ASAP2: variants seen among roughly 807,000 people sequenced by gnomAD.
The protein encoded by ASAP2 is arf-GAP with SH3 domain, ANK repeat and PH domain-containing protein 2.
A neutral mutation model predicts 131.4 loss-of-function variants in ASAP2; 45 were observed. That is an observed-to-expected ratio of 0.34 (90% CI 0.27 to 0.44). The LOEUF (loss-of-function observed/expected upper bound fraction) is 0.44. Ranked by LOEUF, ASAP2 falls within the 20% of genes least tolerant of loss-of-function variation. The pLI, the probability that ASAP2 is intolerant of heterozygous loss-of-function variation, is 1.00. For synonymous variants in ASAP2, 510 were observed against 503.0 expected (o/e 1.01, Z -0.19); for missense variants, 1,011 against 1,297.0 (o/e 0.78, Z 3.39).
chr2:9,320,386 A>G lies in ASAP2; in HGVS notation c.470+49A>G, dbSNP rs749568960. Reference sequence around the variant, plus strand: ...TACGTATAGGTAATTTGGGATTTCAAATTTAAACCAACCTCGTATTGCTTA... The same window carrying G: ...TACGTATAGGTAATTTGGGATTTCAGATTTAAACCAACCTCGTATTGCTTA... On this transcript the variant is annotated intron_variant, in intron 5 of 27. Coordinates refer to ENST00000281419, the MANE Select transcript of ASAP2 (RefSeq NM_003887.3). 5 of 1,417,368 alleles carry G rather than the reference A, an allele frequency of 3.5e-6. No individual in the cohort carries two copies. The South Asian group carries it at 4.8e-5, about 13-fold the overall frequency. 87.8% of individuals were successfully genotyped at this position (1,417,368 alleles called of 1,614,324 possible).
At chr2:9,287,670 G>A (rs988123538) in intron 2 of ASAP2, among the ~76,000 whole-genome samples, 1 of 152,206 alleles carries the variant, frequency 6.6e-6, no homozygotes, top group Admixed American at 6.5e-5. Context: ...TTCCTGCAGC[G>A]GGTGGACGGC....
intron 1 of ASAP2, among the ~76,000 whole-genome samples, chr2:9,235,501 G>T (rs911938882): frequency 2.0e-5 from 3 of 151,936 alleles, no homozygotes; most frequent in Non-Finnish European, 4.4e-5. Flanking sequence ...TCCTGCAGCA[G>T]TTCTGTCTTG....
chr2:9,401,214 C>G (rs1242070319), intron 26 of ASAP2, 60 bp from the exon 27 acceptor site: 4 of 1,601,836 alleles, frequency 2.5e-6, no homozygotes, highest in Admixed American at 3.4e-5. Context: ...TGCTTGAGCT[C>G]TCTGCCCTGA....
intron 7 of ASAP2, among the ~76,000 whole-genome samples, chr2:9,334,346 G>T (rs1258526111): frequency 6.6e-6 from 1 of 151,846 alleles, no homozygotes. Context: ...ATGAGCCACA[G>T]CACCCGGCCT....
At position 9,314,132 on chromosome 2, in the gene ASAP2, C is replaced by T. The variant is rs944235784; in HGVS notation, c.346-4392C>T. ...CCGAGTAGCTAGGATTACAGGCGTG[C>T]GCCACCTCGCCTGGCTCATTTTTGT... On this transcript the variant is annotated intron_variant, in intron 3 of 27. Transcript: ENST00000281419. Among the ~76,000 whole-genome samples the T allele has an allele frequency of 3.3e-4, 50 of 152,122 alleles. 1 individual carries two copies. Among genetic ancestry groups the T allele is most frequent in the African/African-American group, 9.6e-4 (40 of 41,506 alleles).
chr2:9,376,786 A>G (rs1038850913), intron 17 of ASAP2, 122 bp from the exon 18 acceptor site: 11 of 856,704 alleles, frequency 1.3e-5, no homozygotes, highest in Non-Finnish European at 2.1e-5. Flanking sequence ...TATGTAAGAG[A>G]TAAGTTTCTC....
At position 9,207,345 on chromosome 2, in the gene ASAP2, C is replaced by G; in HGVS notation, c.126+115C>G. On this transcript the variant is annotated intron_variant, in intron 1 of 27. Coordinates refer to ENST00000281419, the MANE Select transcript of ASAP2 (RefSeq NM_003887.3). The surrounding 1 kb of genome is among the most constrained non-coding windows in gnomAD (Gnocchi z 4.1). The stretch of plus-strand genomic sequence containing the variant: ...TCTTTGCTCCGAAGCCGGACGCGGC[C>G]GGGCCAACCCTGCCCGAGACAGAAG... The G allele has an allele frequency of 1.5e-6, 2 of 1,351,684 alleles. No homozygotes were observed. Among genetic ancestry groups the G allele is most frequent in the Non-Finnish European group, 1.9e-6 (2 of 1,034,804 alleles). The allele number at this position is 1,351,684 out of a possible 1,614,324, so 83.7% of individuals were successfully genotyped here. A position where few individuals can be genotyped will look rare whatever the true frequency, so the allele number is the denominator to read the frequency against.
intron 1 of ASAP2, among the ~76,000 whole-genome samples, chr2:9,263,559 C>T (rs189389824): frequency 1.3e-5 from 2 of 152,332 alleles, no homozygotes; most frequent in African/African-American, 2.4e-5. Flanking sequence ...CATCTGTTTC[C>T]GTTTCTCTAA....
chr2:9,336,907 C>G (rs1377474095), intron 9 of ASAP2, among the ~76,000 whole-genome samples: 1 of 152,200 alleles, frequency 6.6e-6, no homozygotes, highest in African/African-American at 2.4e-5. Flanking sequence ...TGAAGCAAAG[C>G]TCAGGTTTAA....
intron 25 of ASAP2, 33 bp downstream of exon 25, chr2:9,400,105 T>C (rs1407184855): frequency 6.2e-7 from 1 of 1,602,726 alleles, no homozygotes; most frequent in East Asian, 2.2e-5. Context: ...AGTTTGTTTC[T>C]GCTTGGTCCA....
chr2:9,354,816 A>T (rs921249117), intron 12 of ASAP2, among the ~76,000 whole-genome samples: 1 of 152,172 alleles, frequency 6.6e-6, no homozygotes, highest in South Asian at 2.1e-4. Context: ...CTAAGAACCA[A>T]CGTGCTTTCA....
At chr2:9,301,653 G>C (rs183549418) in intron 3 of ASAP2, among the ~76,000 whole-genome samples, 13 of 152,090 alleles carry the variant, frequency 8.5e-5, no homozygotes. Flanking sequence ...TGCAGAACCC[G>C]CTCCACATGA....
chr2:9,255,901 T>C (rs1665122688), intron 1 of ASAP2, among the ~76,000 whole-genome samples: 1 of 152,224 alleles, frequency 6.6e-6, no homozygotes, highest in Admixed American at 6.5e-5. Context: ...GATTTATTTG[T>C]ATGCGTATTG....
At position 9,281,792 on chromosome 2, in the gene ASAP2, C is replaced by T. The variant is rs10179619; in HGVS notation, c.199+2403C>T. Among the ~76,000 whole-genome samples, 130,189 of 152,076 alleles carry T rather than the reference C, an allele frequency of 0.86. 56,302 individuals are homozygous for T. Among genetic ancestry groups the T allele is most frequent in the Non-Finnish European group, 0.91 (62,056 of 67,996 alleles). On this transcript the variant is annotated intron_variant, in intron 2 of 27. Transcript: ENST00000281419. The surrounding 1 kb of genome is among the most constrained non-coding windows in gnomAD (Gnocchi z 4.0). Reference sequence around the variant, plus strand: ...CGTTCTTAACCCTTTCCCAATTCATCTGTCGATGAAACTGTCACTGCCTCC... The same window carrying T: ...CGTTCTTAACCCTTTCCCAATTCATTTGTCGATGAAACTGTCACTGCCTCC...
intron 7 of ASAP2, among the ~76,000 whole-genome samples, chr2:9,328,538 A>G (rs1670621895): frequency 6.6e-6 from 1 of 152,240 alleles, no homozygotes. Context: ...AAACACTTTT[A>G]TATATTATCC....
At chr2:9,360,843 T>C (rs1361958005) in intron 15 of ASAP2, among the ~76,000 whole-genome samples, 1 of 152,190 alleles carries the variant, frequency 6.6e-6, no homozygotes, top group African/African-American at 2.4e-5. Context: ...GTAGCAGTGC[T>C]TAACAGTTGG....
At chr2:9,252,477 G>A (rs755891795) in intron 1 of ASAP2, among the ~76,000 whole-genome samples, 5 of 152,094 alleles carry the variant, frequency 3.3e-5, no homozygotes, top group Non-Finnish European at 5.9e-5. Flanking sequence ...AGGAGGCTAC[G>A]GCAGGAGAAT....
chr2:9,301,820 C>CTTTTTTTTT (rs1177064910), intron 3 of ASAP2, among the ~76,000 whole-genome samples: 1 of 115,410 alleles, frequency 8.7e-6, no homozygotes, highest in Non-Finnish European at 1.7e-5. Flanking sequence ...TATCCATCAT[C>CTTTTTTTTT]TTTTTTTTTT....
rs764454175 is a variant in ASAP2, at chr2:9,323,118, T to C, written c.471-3T>C. 2.5e-5 allele frequency: 41 copies of C among 1,614,044 alleles called. 1 individual carries two copies. The South Asian group carries it at 4.4e-4, about 17-fold the overall frequency. ...CTTGATGTATCCTTGCTTTCACACG[T>C]AGAACCAAGATAGAAAAGGAGAAAA... On this transcript the variant is annotated splice_polypyrimidine_tract_variant and splice_region_variant and intron_variant, in intron 5 of 27. Coordinates refer to ENST00000281419, the MANE Select transcript of ASAP2 (RefSeq NM_003887.3).
Sources: allele counts gnomAD v4.1 joint callset (sites outside exome capture counted in the v4.1 genomes callset), GRCh38; gene constraint gnomAD v4.1.1; non-coding constraint Gnocchi (gnomAD v3.1); transcripts MANE v1.5; gene names NCBI Gene and HGNC (gene_info 2026-07-23, HGNC 2026-07-21).